DNAH5: variants seen among roughly 807,000 people sequenced by gnomAD.
The protein encoded by DNAH5 is axonemal beta dynein heavy chain 5.
DNAH5 carries 372 observed loss-of-function variants against 518.2 expected under a neutral mutation model. The observed-to-expected ratio is 0.72, with a 90% confidence interval of 0.66 to 0.78. The LOEUF is 0.78. Ranked by LOEUF, DNAH5 falls within the 30% of genes least tolerant of loss-of-function variation. DNAH5 has a pLI of 0.00. For missense variants in DNAH5, 5,523 were observed against 5,687.0 expected (o/e 0.97, Z 0.93); for synonymous variants, 2,039 against 2,025.9 (o/e 1.01, Z -0.17).
intron 35 of DNAH5, among the ~76,000 whole-genome samples, chr5:13,838,324 G>A (rs1362833097): frequency 6.6e-6 from 1 of 152,184 alleles, no homozygotes; most frequent in Non-Finnish European, 1.5e-5. Flanking sequence ...TGGTCTGTTA[G>A]GAACCGGGCC....
At chr5:13,693,812 G>C (rs1204744917) in intron 78 of DNAH5, among the ~76,000 whole-genome samples, 2 of 152,184 alleles carry the variant, frequency 1.3e-5, no homozygotes, top group African/African-American at 4.8e-5. Context: ...CTAATCTCAT[G>C]AAAGTAATCA....
intron 42 of DNAH5, 28 bp from the exon 43 acceptor site, chr5:13,814,874 A>G: frequency 1.2e-6 from 2 of 1,611,148 alleles, no homozygotes; most frequent in Non-Finnish European, 1.7e-6. Context: ...AGGGAAAAAA[A>G]AAATACATAC....
chr5:13,980,067 T>G (rs1423288647), intron 1 of DNAH5, among the ~76,000 whole-genome samples: 4 of 152,216 alleles, frequency 2.6e-5, no homozygotes, highest in Admixed American at 2.0e-4. Flanking sequence ...CTTGATCTCT[T>G]GACCTTGTGA....
intron 74 of DNAH5, among the ~76,000 whole-genome samples, chr5:13,715,213 A>C (rs1181573868): frequency 6.6e-6 from 1 of 152,230 alleles, no homozygotes; most frequent in Admixed American, 6.5e-5. Flanking sequence ...GGTTTGAAAA[A>C]AAAGAAAATT....
At chr5:13,868,320 G>A (rs1235318370) in intron 24 of DNAH5, among the ~76,000 whole-genome samples, 1 of 152,098 alleles carries the variant, frequency 6.6e-6, no homozygotes, top group Non-Finnish European at 1.5e-5. Flanking sequence ...AATTGTATTT[G>A]ATCACTACAA....
chr5:13,955,366 G>A (rs562153649), intron 1 of DNAH5, among the ~76,000 whole-genome samples: 1 of 152,216 alleles, frequency 6.6e-6, no homozygotes, highest in African/African-American at 2.4e-5. Context: ...GAATTACCCA[G>A]TCTCAGGTAT....
rs996548879 is a variant in DNAH5, at chr5:13,859,660, C to T, written c.4797-55G>A. On this transcript the variant is annotated intron_variant, in intron 29 of 78. Transcript: ENST00000265104. ...TTTTGTTTTTGTTGTGCTGTTGTTT[C>T]AAATTAAAAAGGTTTTTAAAAATCT... 2.6e-6 allele frequency: 4 copies of T among 1,551,988 alleles called. No homozygotes were observed. The African/African-American group carries it at 5.4e-5, about 21-fold the overall frequency.
chr5:13,843,953 A>G (rs894503614), intron 32 of DNAH5, among the ~76,000 whole-genome samples: 4 of 152,194 alleles, frequency 2.6e-5, no homozygotes, highest in African/African-American at 9.7e-5. Context: ...AACTGACTTC[A>G]GCGTTGATCA....
At chr5:13,722,234 C>T (rs779577206) in intron 70 of DNAH5, among the ~76,000 whole-genome samples, 1 of 152,160 alleles carries the variant, frequency 6.6e-6, no homozygotes, top group African/African-American at 2.4e-5. Flanking sequence ...CAGATAGACC[C>T]GGATCAAAGG....
At chr5:13,731,777 G>A (rs577960056) in intron 68 of DNAH5, among the ~76,000 whole-genome samples, 1 of 152,262 alleles carries the variant, frequency 6.6e-6, no homozygotes, top group South Asian at 2.1e-4. Flanking sequence ...AGCTAAGGCA[G>A]ACTTAGAGAA....
intron 1 of DNAH5, among the ~76,000 whole-genome samples, chr5:13,993,146 C>T (rs951240454): frequency 5.3e-5 from 8 of 152,136 alleles, no homozygotes; most frequent in South Asian, 2.1e-4. Flanking sequence ...TAGCGATGCC[C>T]GTCTACGCAT....
At chr5:13,941,319 C>G (rs867203417) in intron 1 of DNAH5, among the ~76,000 whole-genome samples, 1 of 152,168 alleles carries the variant, frequency 6.6e-6, no homozygotes, top group African/African-American at 2.4e-5. Flanking sequence ...GATGGCGCCA[C>G]TGCAGTCCAG....
rs768490335 is a variant in DNAH5 at position 13,753,357 on chromosome 5, T to C, written c.10748A>G (p.Asn3583Ser). The change falls in exon 63 of 79, where the codon AAT (asparagine) becomes AGT (serine). Residue 3583 changes from asparagine (N) to serine (S), a missense_variant. Around this residue, in one of 3 missense-constraint regions of DNAH5, gnomAD observed 5,121 missense variants for 5,223.3 expected, o/e 0.98. Transcript: ENST00000265104. ...ISEWNLQGLP[N>S]DDLSIQNGII... ...TCCATTTTGAATGGACAAGTCATCA[T>C]TTGGCAGACCTTGGAGGTTCCATTC... The C allele has an allele frequency of 6.2e-7, 1 of 1,614,064 alleles. No individual in the cohort carries two copies. The highest frequency in any genetic ancestry group is 1.1e-5 in the South Asian group (1 of 91,074).
At chr5:13,759,593 A>G (rs1483700290) in intron 60 of DNAH5, among the ~76,000 whole-genome samples, 1 of 152,214 alleles carries the variant, frequency 6.6e-6, no homozygotes, top group African/African-American at 2.4e-5. Context: ...TCACTTTCAT[A>G]TATTTCTTGC....
At chr5:13,900,135 C>T (rs1774399959) in intron 15 of DNAH5, 71 bp downstream of exon 15, 2 of 1,336,118 alleles carry the variant, frequency 1.5e-6, no homozygotes, top group African/African-American at 1.5e-5. Flanking sequence ...GAATATGACA[C>T]ATCACCATAT....
At chr5:13,971,194 T>C (rs926036076) in intron 1 of DNAH5, among the ~76,000 whole-genome samples, 1 of 152,206 alleles carries the variant, frequency 6.6e-6, no homozygotes, top group Admixed American at 6.5e-5. Context: ...ATTTTTTTAT[T>C]TCTTTAAGTT....
chr5:13,979,191 T>C (rs546802106), intron 1 of DNAH5, among the ~76,000 whole-genome samples: 2 of 152,150 alleles, frequency 1.3e-5, no homozygotes, highest in South Asian at 4.2e-4. Flanking sequence ...TATATGTACA[T>C]ATACCCAAAG....
At chr5:14,004,381 AAAAGGCCTGAGTACCAAAC>A (rs775123246) in intron 1 of DNAH5, among the ~76,000 whole-genome samples, 2 of 152,238 alleles carry the variant, frequency 1.3e-5, no homozygotes, top group Admixed American at 6.5e-5. Flanking sequence ...GAAAGAAGGT[AAAAGGCCTGAGTACCAAAC>A]AACAGAGTTG....
chr5:13,949,789 A>T (rs1780236798), intron 1 of DNAH5, among the ~76,000 whole-genome samples: 1 of 152,208 alleles, frequency 6.6e-6, no homozygotes, highest in South Asian at 2.1e-4. Flanking sequence ...ACTGTCTAAG[A>T]AGTATCTCTG....
Sources: gnomAD v4.1 joint callset for allele counts (sites outside exome capture counted in the v4.1 genomes callset) on GRCh38, gnomAD v4.1.1 for gene constraint, gnomAD v4.1.1 regional missense constraint, MANE v1.5 for transcripts, NCBI Gene and HGNC (gene_info 2026-07-23, HGNC 2026-07-21) for gene names.